WIPI2: variants seen among roughly 807,000 people sequenced by gnomAD.
WIPI2 encodes WD repeat domain, phosphoinositide interacting 2.
A neutral mutation model predicts 52.3 loss-of-function variants in WIPI2; 28 were observed. That is an observed-to-expected ratio of 0.54 (90% CI 0.40 to 0.73). WIPI2 has a LOEUF of 0.73. Among genes scored for constraint, WIPI2 ranks in the 30% least tolerant of loss-of-function variants. The pLI, the probability that WIPI2 is intolerant of heterozygous loss-of-function variation, is 0.00. For missense variants in WIPI2, 506 were observed against 602.9 expected, an observed-to-expected ratio of 0.84 and a Z score of 1.68; for synonymous variants, 268 against 245.0, an observed-to-expected ratio of 1.09 and a Z score of -0.88.
chr7:5,228,366 T>C (rs1783548773), intron 11 of WIPI2, among the ~76,000 whole-genome samples, 155 bp downstream of exon 11: 1 of 152,274 alleles, frequency 6.6e-6, no homozygotes, highest in Admixed American at 6.5e-5. Flanking sequence ...GGAGCTTCGC[T>C]TTCCCAGGTG....
In WIPI2 at chr7:5,190,348, C is replaced by T; in HGVS notation, c.-72C>T. The T allele has an allele frequency of 1.8e-6, 2 of 1,116,352 alleles. No homozygotes were observed. The highest frequency in any genetic ancestry group is 1.1e-6 in the Non-Finnish European group (1 of 878,642). 69.2% of individuals were successfully genotyped at this position (1,116,352 alleles called of 1,614,324 possible). A position where few individuals can be genotyped will look rare whatever the true frequency, so the allele number is the denominator to read the frequency against. On this transcript the variant is annotated 5_prime_UTR_variant, in exon 1 of 13. Coordinates refer to ENST00000288828, the MANE Select transcript of WIPI2 (RefSeq NM_015610.4). ...GGCGGCGAGCGGGGCCCGGCGCCGA[C>T]CCTGAGTGCAGCCTGACCCGCCCTC...
At chr7:5,195,706 C>T (rs142323967) in intron 2 of WIPI2, among the ~76,000 whole-genome samples, 33 of 152,104 alleles carry the variant, frequency 2.2e-4, no homozygotes, top group Middle Eastern at 6.8e-3. Flanking sequence ...GATGTTGAGA[C>T]GAAAATATCA....
At chr7:5,203,553 A>G (rs1385154990) in intron 3 of WIPI2, among the ~76,000 whole-genome samples, 1 of 151,096 alleles carries the variant, frequency 6.6e-6, no homozygotes, top group African/African-American at 2.4e-5. Context: ...GGCTGAGGCC[A>G]CCTAGAATGA....
intron 3 of WIPI2, 159 bp from the exon 4 acceptor site, chr7:5,214,376 C>T (rs1295471438): frequency 1.9e-6 from 3 of 1,600,746 alleles, no homozygotes; most frequent in Non-Finnish European, 2.5e-6. Context: ...CCCTCAGACC[C>T]CCGGGCTGTC....
At chr7:5,206,381 A>C (rs78500328) in intron 3 of WIPI2, among the ~76,000 whole-genome samples, 1 of 152,200 alleles carries the variant, frequency 6.6e-6, no homozygotes, top group East Asian at 1.9e-4. Context: ...AATGGTAGAA[A>C]GTTAATATTT....
chr7:5,210,239 A>T (rs1339101400), intron 3 of WIPI2, among the ~76,000 whole-genome samples: 1 of 152,200 alleles, frequency 6.6e-6, no homozygotes, highest in African/African-American at 2.4e-5. Context: ...TAGTTGCCTA[A>T]GTTTTTTTCC....
chr7:5,212,669 C>T (rs1469354595), intron 3 of WIPI2, among the ~76,000 whole-genome samples: 1 of 152,222 alleles, frequency 6.6e-6, no homozygotes, highest in African/African-American at 2.4e-5. Context: ...AGGCATGCAC[C>T]ACCACGCCCA....
intron 7 of WIPI2, among the ~76,000 whole-genome samples, chr7:5,220,606 C>T (rs1783070603): frequency 6.6e-6 from 1 of 151,512 alleles, no homozygotes. Flanking sequence ...AGCTTCCACT[C>T]CTGGGACAAC....
chr7:5,216,016 C>T (rs1782791940), intron 4 of WIPI2, among the ~76,000 whole-genome samples: 1 of 152,202 alleles, frequency 6.6e-6, no homozygotes, highest in Admixed American at 6.6e-5. Context: ...TGTAGGTTAG[C>T]ATTTGCCTAA....
At position 5,211,995 on chromosome 7, in the gene WIPI2, A is replaced by G. The variant is rs74637067; in HGVS notation, c.212-2540A>G. On this transcript the variant is annotated intron_variant, in intron 3 of 12. Coordinates refer to ENST00000288828, the MANE Select transcript of WIPI2 (RefSeq NM_015610.4). ...TCTTGGATGTAGCACTGGGGTTAACAGCATTTCACCACCCACTGAAACTGA... is the reference window on the plus strand; with the variant it reads ...TCTTGGATGTAGCACTGGGGTTAACGGCATTTCACCACCCACTGAAACTGA... Among the ~76,000 whole-genome samples the G allele has an allele frequency of 2.2e-3, 333 of 152,368 alleles. 2 individuals carry two copies. The highest frequency in any genetic ancestry group is 7.3e-3 in the African/African-American group (305 of 41,586).
At chr7:5,229,546 T>G in intron 11 of WIPI2, 62 bp from the exon 12 acceptor site, 1 of 1,567,232 alleles carries the variant, frequency 6.4e-7, no homozygotes, top group Non-Finnish European at 8.6e-7. Context: ...GCAGCCAGTG[T>G]GTACTGCCCG....
chr7:5,196,615 G>C (rs569069330), intron 2 of WIPI2, among the ~76,000 whole-genome samples: 18 of 152,046 alleles, frequency 1.2e-4, no homozygotes, highest in Admixed American at 2.6e-4. Context: ...CTAACCCAAG[G>C]ATCAGGGACT....
chr7:5,216,733 T>C, intron 5 of WIPI2, 74 bp downstream of exon 5: 7 of 1,396,986 alleles, frequency 5.0e-6, no homozygotes, highest in South Asian at 1.2e-5. Flanking sequence ...GTGAGAGAGA[T>C]TTTTTCTTTT....
intron 3 of WIPI2, among the ~76,000 whole-genome samples, chr7:5,200,521 C>T (rs777641669): frequency 6.6e-6 from 1 of 151,700 alleles, no homozygotes; most frequent in Non-Finnish European, 1.5e-5. Context: ...TCCTTGTGCT[C>T]GTTTGTGTGT....
At position 5,232,859 on chromosome 7, in the gene WIPI2, G is replaced by A. The variant is rs954048264; in HGVS notation, c.*1912G>A. ...GTTTGTTCTGGTGCCTGCCTGTGGTGGTGATTTGGAGACTCAAATTTCCTT... is the reference window on the plus strand; with the variant it reads ...GTTTGTTCTGGTGCCTGCCTGTGGTAGTGATTTGGAGACTCAAATTTCCTT... On this transcript the variant is annotated 3_prime_UTR_variant, in exon 13 of 13. Transcript: ENST00000288828. 11 of 152,500 alleles carry A rather than the reference G, an allele frequency of 7.2e-5. No homozygotes were observed. Among genetic ancestry groups the A allele is most frequent in the African/African-American group, 2.4e-4 (10 of 41,466 alleles). The allele number at this position is 152,500 out of a possible 1,614,324, so 9.4% of individuals were successfully genotyped here. A position where few individuals can be genotyped will look rare whatever the true frequency, so the allele number is the denominator to read the frequency against.
At chr7:5,218,092 T>G (rs1442419537) in intron 7 of WIPI2, 78 bp downstream of exon 7, 5 of 1,476,616 alleles carry the variant, frequency 3.4e-6, no homozygotes, top group East Asian at 4.5e-5. Flanking sequence ...CACAGCCACC[T>G]TAGAGGCAAG....
chr7:5,224,323 A>G (rs894786816), intron 8 of WIPI2, among the ~76,000 whole-genome samples: 1 of 152,174 alleles, frequency 6.6e-6, no homozygotes, highest in Non-Finnish European at 1.5e-5. Flanking sequence ...CTTGGGTTAA[A>G]TCCCTTTCTC....
intron 3 of WIPI2, among the ~76,000 whole-genome samples, chr7:5,212,558 G>A (rs1337023458): frequency 1.3e-5 from 2 of 152,174 alleles, no homozygotes; most frequent in African/African-American, 4.8e-5. Context: ...ATTACAGACA[G>A]GGTCTCGCTC....
rs774610816 is a variant in WIPI2 at position 5,230,741 on chromosome 7, C to T, written c.1253-94C>T. 4 of 814,766 alleles carry T rather than the reference C, an allele frequency of 4.9e-6. No homozygotes were observed. The highest frequency in any genetic ancestry group is 7.6e-6 in the Non-Finnish European group (4 of 529,120). 50.5% of individuals were successfully genotyped at this position (814,766 alleles called of 1,614,324 possible). A position where few individuals can be genotyped will look rare whatever the true frequency, so the allele number is the denominator to read the frequency against. ...GTACAGGCTTCAGTTTATAAATATA[C>T]ACCAGTGTTTCCAAAACACAGTCCT... On this transcript the variant is annotated intron_variant, in intron 12 of 12. Transcript: ENST00000288828. This position sits in a 1 kb window ranked among gnomAD's most constrained non-coding sequence, Gnocchi z 4.8.
Sources: gnomAD v4.1 joint callset for allele counts (sites outside exome capture counted in the v4.1 genomes callset) on GRCh38, gnomAD v4.1.1 for gene constraint, Gnocchi (gnomAD v3.1) non-coding constraint, MANE v1.5 for transcripts, NCBI Gene and HGNC (gene_info 2026-07-23, HGNC 2026-07-21) for gene names.